Variants in SCP2 observed in about 807,000 individuals in gnomAD.
SCP2 encodes the protein sterol carrier protein 2, also known as SCP-2/3-oxoacyl-CoA thiolase.
A neutral mutation model predicts 71.4 loss-of-function variants in SCP2; 48 were observed. The observed-to-expected ratio is 0.67, with a 90% CI of 0.53 to 0.86. The LOEUF is 0.86. Among genes scored for constraint, SCP2 ranks in the 40% least tolerant of loss-of-function variants. SCP2 has a pLI of 0.00. For synonymous variants in SCP2, 220 were observed against 218.1 expected (o/e 1.01, Z -0.08); for missense variants, 560 against 655.6 (o/e 0.85, Z 1.59).
chr1:52,998,576 C>G (rs1660093635), intron 11 of SCP2, among the ~76,000 whole-genome samples: 2 of 151,784 alleles, frequency 1.3e-5, no homozygotes, highest in African/African-American at 4.8e-5. Flanking sequence ...ACAAAAAATA[C>G]AAAAATTAGT....
chr1:52,943,924 C>G (rs1210342746), intron 2 of SCP2: 2 of 416,296 alleles, frequency 4.8e-6, no homozygotes, highest in Non-Finnish European at 4.8e-6. Context: ...CAGCTTTGTA[C>G]TAGCCATGGT....
chr1:53,020,213 A>G (rs1661623303), intron 12 of SCP2, among the ~76,000 whole-genome samples: 1 of 152,132 alleles, frequency 6.6e-6, no homozygotes, highest in Non-Finnish European at 1.5e-5. Flanking sequence ...ATCAGTGGGA[A>G]GAGTACCTTA....
intron 12 of SCP2, among the ~76,000 whole-genome samples, chr1:53,015,441 T>C (rs538736698): frequency 5.3e-5 from 8 of 152,322 alleles, no homozygotes; most frequent in East Asian, 1.9e-4. Context: ...TAAGCCCTCG[T>C]TGATGCTAGA....
chr1:52,965,935 A>G (rs562809629), intron 6 of SCP2, among the ~76,000 whole-genome samples: 1 of 152,070 alleles, frequency 6.6e-6, no homozygotes, highest in East Asian at 1.9e-4. Flanking sequence ...TGTGAGCCAC[A>G]TACCTGGCCA....
chr1:53,049,793 G>GA (rs1345319453), intron 15 of SCP2: 1 of 152,076 alleles, frequency 6.6e-6, no homozygotes, highest in Non-Finnish European at 1.5e-5. Flanking sequence ...AGGAGGTACA[G>GA]AAAAAAACAG....
chr1:52,951,030 T>A, intron 4 of SCP2, 144 bp downstream of exon 4: 1 of 927,276 alleles, frequency 1.1e-6, no homozygotes, highest in Non-Finnish European at 1.7e-6. Context: ...CTTGTAACCC[T>A]AGCACTTTGG....
intron 6 of SCP2, among the ~76,000 whole-genome samples, chr1:52,970,908 G>A (rs1012932742): frequency 2.1e-5 from 3 of 143,788 alleles, no homozygotes; most frequent in African/African-American, 7.8e-5. Context: ...AGTATGATTT[G>A]TGCTATTTTA....
Position 52,930,547 on chromosome 1 carries a change from G to A in SCP2, c.69+3082G>A, listed in dbSNP as rs1653054031. On this transcript the variant is annotated intron_variant, in intron 1 of 15. Coordinates refer to ENST00000371514, the MANE Select transcript of SCP2 (RefSeq NM_002979.5). The stretch of plus-strand genomic sequence containing the variant: ...AGGCTTATCTGGGAGGATCACCTGA[G>A]CCTGGGAGGTTGAGGCTGCAGTGAG... Among the ~76,000 whole-genome samples, 6 of 152,022 alleles carry A rather than the reference G, an allele frequency of 3.9e-5. No homozygotes were observed. In the South Asian group the frequency reaches 1.2e-3, roughly 32 times the overall value.
chr1:53,044,824 T>C (rs1194867530), intron 14 of SCP2, among the ~76,000 whole-genome samples: 1 of 152,242 alleles, frequency 6.6e-6, no homozygotes, highest in African/African-American at 2.4e-5. Flanking sequence ...CATGGCTGAT[T>C]TAGCAATGAG....
chr1:53,019,996 TG>T (rs948129465), intron 12 of SCP2, among the ~76,000 whole-genome samples: 4 of 152,136 alleles, frequency 2.6e-5, no homozygotes, highest in African/African-American at 9.7e-5. Flanking sequence ...ATGCAATTCT[TG>T]TGCCTAAGCC....
Position 52,993,299 on chromosome 1 carries a change from A to G in SCP2, c.1081+5163A>G, listed in dbSNP as rs201228419. ...TTGAAATTTCCTGATAACCCGGACA[A>G]GTTCATGGAAAGCTTGATCTACATT... On this transcript the variant is annotated intron_variant, in intron 11 of 15. Transcript: ENST00000371514. 1.9e-6 allele frequency: 3 copies of G among 1,614,172 alleles called. No homozygotes were observed. The East Asian group carries it at 6.7e-5, about 36-fold the overall frequency.
chr1:52,994,071 A>G, intron 11 of SCP2: 1 of 1,087,908 alleles, frequency 9.2e-7, no homozygotes, highest in Non-Finnish European at 1.1e-6. Context: ...CCAATGCTAC[A>G]CAGACATTAT....
chr1:52,949,691 G>C (rs575201176), intron 3 of SCP2, among the ~76,000 whole-genome samples: 1 of 152,290 alleles, frequency 6.6e-6, no homozygotes, highest in African/African-American at 2.4e-5. Context: ...TGCTGAGAAA[G>C]GTAAAAACAC....
chr1:53,050,885 T>C lies in SCP2; in HGVS notation c.*181T>C. On this transcript the variant is annotated 3_prime_UTR_variant, in exon 16 of 16. Transcript: ENST00000371514. ...GCTCTGGGTGAATAGAGCCTGATGG[T>C]ATACTACTGCTTTGCGGAATTGCAT... 1.8e-6 allele frequency: 1 copy of C among 568,882 alleles called. No individual in the cohort carries two copies. The allele number at this position is 568,882 out of a possible 1,614,324, so 35.2% of individuals were successfully genotyped here.
intron 13 of SCP2, among the ~76,000 whole-genome samples, chr1:53,036,026 A>G (rs1662918229): frequency 6.8e-6 from 1 of 147,654 alleles, no homozygotes; most frequent in Non-Finnish European, 1.5e-5. Flanking sequence ...TCTCAAAAAA[A>G]AAAAAAAAAA....
chr1:53,000,052 A>G (rs1192750101), intron 11 of SCP2, among the ~76,000 whole-genome samples: 1 of 151,908 alleles, frequency 6.6e-6, no homozygotes, highest in Non-Finnish European at 1.5e-5. Flanking sequence ...ACTGACCTCA[A>G]GTGATCCACC....
At chr1:53,009,358 G>A (rs150082668) in intron 11 of SCP2, among the ~76,000 whole-genome samples, 1,632 of 152,208 alleles carry the variant, frequency 0.011, 18 homozygotes, top group African/African-American at 0.037. Flanking sequence ...GAGGCATCAC[G>A]CTACCTGACT....
intron 11 of SCP2, among the ~76,000 whole-genome samples, chr1:52,992,492 G>A (rs1306397712): frequency 4.6e-5 from 7 of 152,156 alleles, no homozygotes; most frequent in Admixed American, 4.6e-4. Flanking sequence ...TAGCGTGGCT[G>A]TGAAAAAGAG....
Position 52,981,289 on chromosome 1 carries a change from C to T in SCP2, c.973+746C>T, listed in dbSNP as rs143097818. Among the ~76,000 whole-genome samples, 935 of 152,244 alleles carry T rather than the reference C, an allele frequency of 6.1e-3. 5 individuals carry two copies. Among genetic ancestry groups the T allele is most frequent in the Admixed American group, 0.018 (281 of 15,294 alleles). ...GATTTCTGCCTTTTAACTGGAGTGT[C>T]GAAACCTGTGCTGATAATGACAGCC... On this transcript the variant is annotated intron_variant, in intron 10 of 15. Coordinates refer to ENST00000371514, the MANE Select transcript of SCP2 (RefSeq NM_002979.5).
Sources: allele counts gnomAD v4.1 joint callset (sites outside exome capture counted in the v4.1 genomes callset), GRCh38; gene constraint gnomAD v4.1.1; transcripts MANE v1.5; gene names NCBI Gene and HGNC (gene_info 2026-07-23, HGNC 2026-07-21).